Variants in GRAMD2B observed in about 807,000 individuals in gnomAD.
GRAMD2B encodes the protein GRAM domain containing 2B, also known as GRAM domain-containing protein 2B.
Under a neutral mutation model 59.2 loss-of-function variants are expected in GRAMD2B, and 41 were observed. That is an observed-to-expected ratio of 0.69 (90% CI 0.54 to 0.90). GRAMD2B has a LOEUF of 0.90. GRAMD2B is among the 40% of genes least tolerant of loss of function. GRAMD2B has a pLI of 0.00. For synonymous variants in GRAMD2B, 161 were observed against 182.7 expected (o/e 0.88, Z 0.96); for missense variants, 424 against 500.5 (o/e 0.85, Z 1.46).
chr5:126,465,971 G>C (rs1768283615), intron 2 of GRAMD2B, among the ~76,000 whole-genome samples: 1 of 152,218 alleles, frequency 6.6e-6, no homozygotes, highest in African/African-American at 2.4e-5. Flanking sequence ...GACAGACTAA[G>C]AGGGAGGGTT....
At chr5:126,492,056 T>G (rs1263056192) in intron 13 of GRAMD2B, among the ~76,000 whole-genome samples, 1 of 152,206 alleles carries the variant, frequency 6.6e-6, no homozygotes, top group Non-Finnish European at 1.5e-5. Context: ...ACAAGTTCCT[T>G]TATTCAACGG....
chr5:126,428,266 G>A (rs1760953266), intron 1 of GRAMD2B, among the ~76,000 whole-genome samples: 1 of 152,162 alleles, frequency 6.6e-6, no homozygotes, highest in East Asian at 1.9e-4. Flanking sequence ...AAAGAATGAT[G>A]TATAACATGT....
intron 1 of GRAMD2B, among the ~76,000 whole-genome samples, chr5:126,399,475 A>G (rs1230677612): frequency 6.6e-6 from 1 of 152,044 alleles, no homozygotes; most frequent in Non-Finnish European, 1.5e-5. Context: ...CACAAGTTTA[A>G]AAGTGTTTGG....
At chr5:126,465,071 G>A (rs773012896) in intron 1 of GRAMD2B, 21 of 1,058,270 alleles carry the variant, frequency 2.0e-5, no homozygotes, top group Non-Finnish European at 2.3e-5. Context: ...CCACACGTGA[G>A]CGTGTGTACA....
chr5:126,361,820 G>A lies in GRAMD2B; in HGVS notation c.128+1361G>A, dbSNP rs906545374. Reference sequence around the variant, plus strand: ...GATGTCTTTCCTGTCTGGGTTAATTGCTCACTGTGGCTGTGGAGGAGTTGG... The same window carrying A: ...GATGTCTTTCCTGTCTGGGTTAATTACTCACTGTGGCTGTGGAGGAGTTGG... On this transcript the variant is annotated intron_variant, in intron 1 of 13. Transcript: ENST00000513040. Among the ~76,000 whole-genome samples the A allele has an allele frequency of 3.9e-5, 6 of 152,254 alleles. No homozygotes were observed. In the South Asian group the frequency reaches 1.2e-3, roughly 32 times the overall value.
intron 1 of GRAMD2B, among the ~76,000 whole-genome samples, chr5:126,445,034 T>C (rs1763955517): frequency 6.6e-6 from 1 of 152,244 alleles, no homozygotes; most frequent in Non-Finnish European, 1.5e-5. Flanking sequence ...ATCTCAGTCT[T>C]TTTTATGGAT....
chr5:126,472,697 T>A lies in GRAMD2B; in HGVS notation c.382+393T>A, dbSNP rs147091942. On this transcript the variant is annotated intron_variant, in intron 4 of 13. Coordinates refer to ENST00000285689, the MANE Select transcript of GRAMD2B (RefSeq NM_023927.4). ...GGACAGACATGTGCTGATGCCACTATGAAGGGTAAGATAGTCACCTAAATA... is the reference window on the plus strand; with the variant it reads ...GGACAGACATGTGCTGATGCCACTAAGAAGGGTAAGATAGTCACCTAAATA... Among the ~76,000 whole-genome samples, 640 of 152,308 alleles carry A rather than the reference T, an allele frequency of 4.2e-3. 6 individuals carry two copies. The highest frequency in any genetic ancestry group is 0.015 in the African/African-American group (609 of 41,574).
At chr5:126,362,008 C>T (rs1304990455) in intron 1 of GRAMD2B, among the ~76,000 whole-genome samples, 1 of 152,322 alleles carries the variant, frequency 6.6e-6, no homozygotes, top group East Asian at 1.9e-4. Context: ...ACCACCATCA[C>T]CCCAAATGTG....
intron 5 of GRAMD2B, among the ~76,000 whole-genome samples, chr5:126,473,932 T>C (rs772237625): frequency 6.6e-6 from 1 of 152,174 alleles, no homozygotes; most frequent in Non-Finnish European, 1.5e-5. Context: ...TACTCTGATA[T>C]TACATCTTTT....
At chr5:126,451,558 AG>A (rs947629401) in intron 1 of GRAMD2B, among the ~76,000 whole-genome samples, 1 of 152,174 alleles carries the variant, frequency 6.6e-6, no homozygotes, top group African/African-American at 2.4e-5. Flanking sequence ...TTTATTTTAC[AG>A]GCTCATTAGT....
At chr5:126,408,694 T>TC (rs1561487195) in intron 1 of GRAMD2B, among the ~76,000 whole-genome samples, 1 of 151,082 alleles carries the variant, frequency 6.6e-6, no homozygotes, top group East Asian at 1.9e-4. Flanking sequence ...AGACTCTTTT[T>TC]TTTTTTTGTT....
chr5:126,456,385 GTT>G (rs11333634), intron 1 of GRAMD2B, among the ~76,000 whole-genome samples: 1 of 150,462 alleles, frequency 6.6e-6, no homozygotes, highest in Non-Finnish European at 1.5e-5. Flanking sequence ...TAAATTTTTT[GTT>G]TTTTTTTGTA....
At chr5:126,438,443 T>C (rs1427439560) in intron 1 of GRAMD2B, among the ~76,000 whole-genome samples, 6 of 152,156 alleles carry the variant, frequency 3.9e-5, no homozygotes, top group East Asian at 1.9e-4. Context: ...ATGCAGTCTA[T>C]GCAGATATAA....
At chr5:126,406,656 T>C (rs1241469326) in intron 1 of GRAMD2B, among the ~76,000 whole-genome samples, 5 of 151,992 alleles carry the variant, frequency 3.3e-5, no homozygotes, top group African/African-American at 1.2e-4. Context: ...CAGAGCTTAC[T>C]TATTGGAGGT....
At chr5:126,422,766 G>A (rs891950774), upstream of GRAMD2B, among the ~76,000 whole-genome samples, 1 of 152,218 alleles carries the variant, frequency 6.6e-6, no homozygotes, top group African/African-American at 2.4e-5. Flanking sequence ...GGTACTGGTT[G>A]AGTGCATAGT....
At chr5:126,365,289 C>A (rs1446443396) in intron 1 of GRAMD2B, among the ~76,000 whole-genome samples, 4 of 151,978 alleles carry the variant, frequency 2.6e-5, no homozygotes, top group African/African-American at 4.8e-5. Context: ...TGTTATGTAT[C>A]CCTTAGGCCA....
At chr5:126,367,201 G>A (rs1754496976), upstream of GRAMD2B, among the ~76,000 whole-genome samples, 2 of 152,152 alleles carry the variant, frequency 1.3e-5, no homozygotes, top group African/African-American at 2.4e-5. Context: ...TATGTGCTTA[G>A]AGTATACAAG....
chr5:126,424,626 A>T (rs7715576), intron 1 of GRAMD2B, among the ~76,000 whole-genome samples: 2 of 152,336 alleles, frequency 1.3e-5, no homozygotes, highest in South Asian at 4.1e-4. Context: ...CCCCATGGAC[A>T]TTTCTTCTAA....
intron 13 of GRAMD2B, among the ~76,000 whole-genome samples, chr5:126,491,584 T>A (rs1164482847): frequency 6.6e-6 from 1 of 152,158 alleles, no homozygotes; most frequent in Non-Finnish European, 1.5e-5. Context: ...TCAGATCCCC[T>A]TCCTCCTCAC....
Sources: allele counts gnomAD v4.1 joint callset (sites outside exome capture counted in the v4.1 genomes callset), GRCh38; gene constraint gnomAD v4.1.1; transcripts MANE v1.5; gene names NCBI Gene and HGNC (gene_info 2026-07-23, HGNC 2026-07-21).